DGAT2: variants seen among roughly 807,000 people sequenced by gnomAD.
DGAT2 encodes the protein acyl-CoA retinol O-fatty-acyltransferase.
A neutral mutation model predicts 48.4 loss-of-function variants in DGAT2; 33 were observed. The ratio of observed to expected loss-of-function variants is 0.68; its 90% CI spans 0.52 to 0.91. The LOEUF (loss-of-function observed/expected upper bound fraction) is 0.91, where lower values mean the gene tolerates loss of function less well. DGAT2 is among the 40% of genes least tolerant of loss of function. The pLI, the probability that DGAT2 is intolerant of heterozygous loss-of-function variation, is 0.00. For missense variants in DGAT2, 446 were observed against 493.7 expected (o/e 0.90, Z 0.92); for synonymous variants, 191 against 194.1 (o/e 0.98, Z 0.13).
At chr11:75,783,341 TAAAAGTC>T (rs1944887963) in intron 1 of DGAT2, among the ~76,000 whole-genome samples, 1 of 152,216 alleles carries the variant, frequency 6.6e-6, no homozygotes, top group African/African-American at 2.4e-5. Flanking sequence ...TCCTTCCTCC[TAAAAGTC>T]AAAGCAGTTG....
intron 1 of DGAT2, among the ~76,000 whole-genome samples, chr11:75,781,520 T>G (rs935299288): frequency 6.6e-6 from 1 of 152,210 alleles, no homozygotes; most frequent in Non-Finnish European, 1.5e-5. Context: ...CCTCCCAGCT[T>G]CCCTCTCCAG....
In DGAT2 at chr11:75,800,499, G is replaced by A. The variant is rs767963487; in HGVS notation, c.1158G>A (p.Glu386=). 2.5e-6 allele frequency: 4 copies of A among 1,614,042 alleles called. No individual in the cohort carries two copies. The highest frequency in any genetic ancestry group is 3.4e-6 in the Non-Finnish European group (4 of 1,179,964). The change falls in exon 8 of 8, where the codon GAG becomes GAA. Residue 386 remains glutamate, a synonymous_variant. Coordinates refer to ENST00000228027, the MANE Select transcript of DGAT2 (RefSeq NM_032564.5). ...KFGLPETEVL[E]VN is the part of the protein sequence containing the mutation. Reference sequence around the variant, plus strand: ...GCCTCCCGGAGACTGAGGTCCTGGAGGTGAACTGAGCCAGCCTTCGGGGCC... The same window carrying A: ...GCCTCCCGGAGACTGAGGTCCTGGAAGTGAACTGAGCCAGCCTTCGGGGCC...
In DGAT2 at chr11:75,775,746, C is replaced by T. The variant is rs538896409; in HGVS notation, c.121+6634C>T. Among the ~76,000 whole-genome samples, 6 of 152,332 alleles carry T rather than the reference C, an allele frequency of 3.9e-5. No individual in the cohort carries two copies. The South Asian group carries it at 8.3e-4, about 21-fold the overall frequency. On this transcript the variant is annotated intron_variant, in intron 1 of 7. Transcript: ENST00000228027. ...CCTCAAACTTGTCTTCTCTCTGTTT[C>T]GGGCCTTTGCAATGCCTTCTGGGAT... is the stretch of plus-strand genomic sequence containing the variant.
rs1945097697 is a variant in DGAT2, at chr11:75,800,373, C to T, written c.1032C>T (p.Ile344=). 6.2e-7 allele frequency: 1 copy of T among 1,614,038 alleles called. No individual in the cohort carries two copies. The highest frequency in any genetic ancestry group is 8.5e-7 in the Non-Finnish European group (1 of 1,180,024). The change falls in exon 8 of 8, where the codon ATC becomes ATT. Residue 344 remains isoleucine (I), a synonymous_variant. Coordinates refer to ENST00000228027, the MANE Select transcript of DGAT2 (RefSeq NM_032564.5). ...CTGCAGTGGGAGAGCCCATCACCATCCCCAAGCTGGAGCACCCAACCCAGC... is the reference window on the plus strand; with the variant it reads ...CTGCAGTGGGAGAGCCCATCACCATTCCCAAGCTGGAGCACCCAACCCAGC... ...ITTVVGEPIT[I]PKLEHPTQQD...
chr11:75,775,312 G>C (rs1944793963), intron 1 of DGAT2, among the ~76,000 whole-genome samples: 1 of 152,186 alleles, frequency 6.6e-6, no homozygotes, highest in Non-Finnish European at 1.5e-5. Flanking sequence ...CCTGAGGACT[G>C]ACAGTGCCTG....
intron 1 of DGAT2, among the ~76,000 whole-genome samples, chr11:75,781,995 C>T (rs886191092): frequency 6.6e-6 from 1 of 152,174 alleles, no homozygotes; most frequent in Non-Finnish European, 1.5e-5. Context: ...CTATACTCCT[C>T]CTCCAAGCTG....
At position 75,768,924 on chromosome 11, in the gene DGAT2, C is replaced by T. The variant is rs1006631710; in HGVS notation, c.-68C>T. ...TGCGCGAAGCCCTGGCCCCGGGGGC[C>T]GGGGCATGGGCCAGGGGCGCGGGGT... is the stretch of plus-strand genomic sequence containing the variant. On this transcript the variant is annotated 5_prime_UTR_variant, in exon 1 of 8. Transcript: ENST00000228027. The T allele has an allele frequency of 5.1e-6, 7 of 1,369,372 alleles. No individual in the cohort carries two copies. In the Admixed American group the frequency reaches 1.2e-4, roughly 23 times the overall value. The allele number at this position is 1,369,372 out of a possible 1,614,324, so 84.8% of individuals were successfully genotyped here. A position where few individuals can be genotyped will look rare whatever the true frequency, so the allele number is the denominator to read the frequency against.
At chr11:75,786,902 T>C (rs558086666) in intron 2 of DGAT2, among the ~76,000 whole-genome samples, 1 of 152,338 alleles carries the variant, frequency 6.6e-6, no homozygotes, top group Non-Finnish European at 1.5e-5. Context: ...ACAAGGTGCA[T>C]TGGATTTCAA....
At chr11:75,791,511 T>G (rs149576074) in intron 4 of DGAT2, among the ~76,000 whole-genome samples, 2 of 152,298 alleles carry the variant, frequency 1.3e-5, no homozygotes, top group East Asian at 3.9e-4. Flanking sequence ...AACCCTCTAA[T>G]TTTGGAGGTA....
At chr11:75,796,017 CAG>C in intron 4 of DGAT2, 1 of 336,518 alleles carries the variant, frequency 3.0e-6, no homozygotes, top group Non-Finnish European at 5.6e-6. Context: ...AGGATGGGCC[CAG>C]AGGGAGGGAA....
intron 1 of DGAT2, among the ~76,000 whole-genome samples, chr11:75,775,275 C>T (rs1429867589): frequency 6.6e-6 from 1 of 152,164 alleles, no homozygotes; most frequent in Non-Finnish European, 1.5e-5. Flanking sequence ...TACAGATGCT[C>T]AGGATGCCTG....
chr11:75,776,263 C>T (rs1472581809), intron 1 of DGAT2: 2 of 152,244 alleles, frequency 1.3e-5, no homozygotes, highest in Non-Finnish European at 2.9e-5. Flanking sequence ...AGCATTCAGT[C>T]ATTCAGCAAA....
chr11:75,784,788 T>A lies in DGAT2; in HGVS notation c.250+42T>A. 1.2e-6 allele frequency: 2 copies of A among 1,612,494 alleles called. 1 individual carries two copies. The highest frequency in any genetic ancestry group is 2.2e-5 in the South Asian group (2 of 91,012). ...AGGGAGGGCAGGTGGGCAGGCAGTG[T>A]CCACTTCCCCAAAAGAGGTAGAGCA... On this transcript the variant is annotated intron_variant, in intron 2 of 7. Coordinates refer to ENST00000228027, the MANE Select transcript of DGAT2 (RefSeq NM_032564.5).
chr11:75,798,081 G>A, intron 6 of DGAT2, 146 bp from the exon 7 acceptor site: 1 of 782,206 alleles, frequency 1.3e-6, no homozygotes, highest in Non-Finnish European at 2.1e-6. Context: ...GGTAGAGAGG[G>A]ATCATGTGAA....
chr11:75,796,847 G>C, intron 5 of DGAT2: 1 of 468,808 alleles, frequency 2.1e-6, no homozygotes, highest in South Asian at 3.2e-5. Flanking sequence ...ACCTGCCTGA[G>C]ACCTCCCACC....
rs933835165 is a variant in DGAT2 at position 75,801,274 on chromosome 11, A to C, written c.*766A>C. 3.3e-5 allele frequency: 5 copies of C among 152,620 alleles called. No individual in the cohort carries two copies. Among genetic ancestry groups the C allele is most frequent in the African/African-American group, 1.2e-4 (5 of 41,438 alleles). The allele number at this position is 152,620 out of a possible 1,614,324, so 9.5% of individuals were successfully genotyped here. A position where few individuals can be genotyped will look rare whatever the true frequency, so the allele number is the denominator to read the frequency against. Reference sequence around the variant, plus strand: ...GGAGCACATGCTTACTGGTGGCCTCAGTTTACCTTCCCCAGATCCTAGATT... The same window carrying C: ...GGAGCACATGCTTACTGGTGGCCTCCGTTTACCTTCCCCAGATCCTAGATT... On this transcript the variant is annotated 3_prime_UTR_variant, in exon 8 of 8. Transcript: ENST00000228027.
intron 1 of DGAT2, among the ~76,000 whole-genome samples, chr11:75,778,297 G>A (rs1420372358): frequency 2.0e-5 from 3 of 152,140 alleles, no homozygotes; most frequent in Non-Finnish European, 4.4e-5. Context: ...CTTTCCTCCT[G>A]TTTGACCCCT....
intron 1 of DGAT2, among the ~76,000 whole-genome samples, chr11:75,781,209 A>G (rs1944859381): frequency 6.6e-6 from 1 of 152,206 alleles, no homozygotes; most frequent in Non-Finnish European, 1.5e-5. Flanking sequence ...CATAGACCTT[A>G]GTGTTTATCA....
intron 1 of DGAT2, among the ~76,000 whole-genome samples, chr11:75,777,687 A>G (rs1348524104): frequency 6.6e-6 from 1 of 152,128 alleles, no homozygotes; most frequent in Non-Finnish European, 1.5e-5. Context: ...CCAGGTTGGC[A>G]TGTCCCCTGC....
Sources: gnomAD v4.1 joint callset for allele counts (sites outside exome capture counted in the v4.1 genomes callset) on GRCh38, gnomAD v4.1.1 for gene constraint, MANE v1.5 for transcripts, NCBI Gene and HGNC (gene_info 2026-07-23, HGNC 2026-07-21) for gene names.